ERP44: variants seen among roughly 807,000 people sequenced by gnomAD.
ERP44 encodes endoplasmic reticulum protein 44.
Under a neutral mutation model 53.4 loss-of-function variants are expected in ERP44, and 25 were observed. The ratio of observed to expected loss-of-function variants is 0.47; its 90% CI spans 0.34 to 0.65. ERP44 has a LOEUF of 0.65. Among genes scored for constraint, ERP44 ranks in the 30% least tolerant of loss-of-function variants. ERP44 has a pLI of 0.01. For synonymous variants in ERP44, 145 were observed against 161.2 expected (o/e 0.90, Z 0.76); for missense variants, 338 against 493.2 (o/e 0.69, Z 2.98).
intron 1 of ERP44, among the ~76,000 whole-genome samples, chr9:100,091,540 TAAAA>T (rs1826556222): frequency 6.6e-6 from 1 of 152,162 alleles, no homozygotes; most frequent in Admixed American, 6.5e-5. Context: ...CAAGATTTCT[TAAAA>T]ATAAAACAAT....
chr9:100,047,992 A>G (rs1295945295), intron 4 of ERP44, among the ~76,000 whole-genome samples: 1 of 143,876 alleles, frequency 7.0e-6, no homozygotes, highest in Admixed American at 7.0e-5. Context: ...AAAATACTGA[A>G]CATCACTAAT....
intron 1 of ERP44, among the ~76,000 whole-genome samples, chr9:100,085,183 G>A (rs544688536): frequency 1.5e-4 from 23 of 152,212 alleles, no homozygotes; most frequent in African/African-American, 4.8e-4. Context: ...TTTACTTATC[G>A]TTGTAGAATG....
chr9:99,979,583 TA>T lies in ERP44; in HGVS notation c.*3028del. On this transcript the variant is annotated 3_prime_UTR_variant, in exon 12 of 12. Coordinates refer to ENST00000262455, the MANE Select transcript of ERP44 (RefSeq NM_015051.3). ...AAAAAATAATTTGTAGAATGTCATCTAAAAGTTTCCATCCTTTTATGGTCCC... is the reference window on the plus strand; with the variant it reads ...AAAAAATAATTTGTAGAATGTCATCTAAAGTTTCCATCCTTTTATGGTCCC... 1 of 186,786 alleles carries T rather than the reference TA, an allele frequency of 5.4e-6. No individual in the cohort carries two copies. Among genetic ancestry groups the T allele is most frequent in the Middle Eastern group, 2.0e-3 (1 of 506 alleles). 11.6% of individuals were successfully genotyped at this position (186,786 alleles called of 1,614,324 possible).
chr9:100,087,527 A>C (rs1826498917), intron 1 of ERP44, among the ~76,000 whole-genome samples: 1 of 152,210 alleles, frequency 6.6e-6, no homozygotes, highest in Non-Finnish European at 1.5e-5. Context: ...AAAAACCAGG[A>C]GAGTTTAGTT....
chr9:100,068,034 G>A (rs574969262), intron 1 of ERP44, among the ~76,000 whole-genome samples: 3 of 148,570 alleles, frequency 2.0e-5, no homozygotes, highest in East Asian at 4.2e-4. Context: ...GAGGTGGGGG[G>A]GTCAGTCCCC....
intron 4 of ERP44, among the ~76,000 whole-genome samples, chr9:100,024,016 A>G (rs1830624751): frequency 6.6e-6 from 1 of 152,040 alleles, no homozygotes; most frequent in Non-Finnish European, 1.5e-5. Flanking sequence ...TTAACCAGGC[A>G]TGGTGGCACA....
chr9:100,089,547 C>T (rs1478908567), intron 1 of ERP44, among the ~76,000 whole-genome samples: 1 of 142,824 alleles, frequency 7.0e-6, no homozygotes, highest in Admixed American at 7.2e-5. Context: ...CGCCACCGCA[C>T]TCCAGCCTGG....
intron 1 of ERP44, among the ~76,000 whole-genome samples, chr9:100,080,434 G>T (rs991562835): frequency 1.3e-5 from 2 of 152,194 alleles, no homozygotes; most frequent in Admixed American, 6.6e-5. Flanking sequence ...ACAAGCTCAT[G>T]GCAGTCCTCA....
chr9:100,010,072 T>A (rs533184593), intron 8 of ERP44, among the ~76,000 whole-genome samples: 25 of 152,342 alleles, frequency 1.6e-4, no homozygotes, highest in African/African-American at 5.8e-4. Flanking sequence ...ATATGAAATA[T>A]TAAACTGAAA....
intron 8 of ERP44, among the ~76,000 whole-genome samples, chr9:100,012,946 C>A (rs1830490026): frequency 6.6e-6 from 1 of 152,042 alleles, no homozygotes; most frequent in Non-Finnish European, 1.5e-5. Context: ...CTTATATATC[C>A]CAGTCTAAGT....
chr9:100,008,265 C>A (rs942036983), intron 8 of ERP44, among the ~76,000 whole-genome samples: 6 of 152,032 alleles, frequency 3.9e-5, no homozygotes, highest in Non-Finnish European at 7.4e-5. Context: ...AATTCTCAAC[C>A]AATATACAAT....
chr9:99,998,274 C>T, intron 10 of ERP44: 1 of 350,184 alleles, frequency 2.9e-6, no homozygotes, highest in Non-Finnish European at 5.5e-6. Flanking sequence ...CCTCGCTCGT[C>T]CACGGAGGGC....
intron 1 of ERP44, among the ~76,000 whole-genome samples, chr9:100,064,754 G>A (rs559208904): frequency 6.6e-6 from 1 of 152,134 alleles, no homozygotes; most frequent in African/African-American, 2.4e-5. Context: ...TTGATGTCTT[G>A]ATAATCCTGA....
rs557808318 is a variant in ERP44, at chr9:100,018,368, G to T, written c.588-55C>A. 1,195 of 1,008,056 alleles carry T rather than the reference G, an allele frequency of 1.2e-3. 22 individuals carry two copies. In the South Asian group the frequency reaches 0.015, roughly 12 times the overall value. The allele number at this position is 1,008,056 out of a possible 1,614,324, so 62.4% of individuals were successfully genotyped here. ...TGAATGACAGAATTTTGCAATGTAG[G>T]AATTACAGACTTGAAATATATACTT... On this transcript the variant is annotated intron_variant, in intron 6 of 11. Transcript: ENST00000262455.
At position 99,980,846 on chromosome 9, in the gene ERP44, T is replaced by G. The variant is rs1487488473; in HGVS notation, c.*1766A>C. On this transcript the variant is annotated 3_prime_UTR_variant, in exon 12 of 12. Transcript: ENST00000262455. ...GCCACTTTATCATCTTAGAGCATAC[T>G]GAACACGTACTCCTTGAGGCCTTTT... is the stretch of plus-strand genomic sequence containing the variant. 1 of 152,254 alleles carries G rather than the reference T, an allele frequency of 6.6e-6. No individual in the cohort carries two copies. The highest frequency in any genetic ancestry group is 2.1e-4 in the South Asian group (1 of 4,832). The allele number at this position is 152,254 out of a possible 1,614,324, so 9.4% of individuals were successfully genotyped here. A position where few individuals can be genotyped will look rare whatever the true frequency, so the allele number is the denominator to read the frequency against.
intron 1 of ERP44, among the ~76,000 whole-genome samples, chr9:100,062,440 T>C (rs2118720505): frequency 6.6e-6 from 1 of 152,324 alleles, no homozygotes; most frequent in East Asian, 1.9e-4. Flanking sequence ...ATAATATTGG[T>C]AATAGCAAGA....
intron 3 of ERP44, among the ~76,000 whole-genome samples, chr9:100,055,160 C>T (rs1433009510): frequency 2.6e-5 from 4 of 151,782 alleles, no homozygotes; most frequent in Admixed American, 2.6e-4. Flanking sequence ...TAGTTCTGAG[C>T]ATTAAAAAAA....
intron 10 of ERP44, among the ~76,000 whole-genome samples, chr9:100,000,435 CAAAA>C (rs34304276): frequency 8.1e-6 from 1 of 123,974 alleles, no homozygotes; most frequent in Non-Finnish European, 1.7e-5. Context: ...GATCCTGTAT[CAAAA>C]AAAAAAAAAA....
At chr9:100,016,474 C>T in intron 7 of ERP44, 36 bp from the exon 8 acceptor site, 1 of 1,560,390 alleles carries the variant, frequency 6.4e-7, no homozygotes, top group Non-Finnish European at 8.6e-7. Context: ...TAAATCTAAC[C>T]TGTGCTGGCA....
Sources: gnomAD v4.1 joint callset for allele counts (sites outside exome capture counted in the v4.1 genomes callset) on GRCh38, gnomAD v4.1.1 for gene constraint, MANE v1.5 for transcripts, NCBI Gene and HGNC (gene_info 2026-07-23, HGNC 2026-07-21) for gene names.